The following HS6ST2 variants were observed in gnomAD, a reference collection of about 807,000 sequenced individuals.
The protein encoded by HS6ST2 is heparan-sulfate 6-O-sulfotransferase 2.
In HS6ST2, 17 loss-of-function variants were observed where a neutral mutation model predicts 33.0. The ratio of observed to expected loss-of-function variants is 0.52; its 90% CI spans 0.35 to 0.77. HS6ST2 has a LOEUF of 0.77. HS6ST2 is among the 30% of genes least tolerant of loss of function. The pLI is 0.01. For synonymous variants in HS6ST2, 248 were observed against 237.1 expected (o/e 1.05, Z -0.42); for missense variants, 519 against 551.7 (o/e 0.94, Z 0.59).
chrX:132,899,736 A>G (rs1472598626), intron 2 of HS6ST2, among the ~76,000 whole-genome samples: 1 of 111,894 alleles, frequency 8.9e-6, no homozygotes, highest in East Asian at 2.8e-4. Flanking sequence ...TAAATGCGCA[A>G]GTCTAAAAAT....
At chrX:132,933,417 A>G (rs1466806741) in intron 2 of HS6ST2, among the ~76,000 whole-genome samples, 2 of 111,220 alleles carry the variant, frequency 1.8e-5, no homozygotes, top group Non-Finnish European at 3.8e-5. Context: ...TTCAGTAGAC[A>G]TTACGCAATC....
intron 2 of HS6ST2, among the ~76,000 whole-genome samples, chrX:132,947,272 ATGTG>A (rs963498914): frequency 1.8e-5 from 2 of 109,585 alleles, no homozygotes; most frequent in African/African-American, 6.6e-5. Flanking sequence ...GTATATGTAT[ATGTG>A]TGTGTGTATA....
intron 2 of HS6ST2, among the ~76,000 whole-genome samples, chrX:132,920,503 C>G (rs746412690): frequency 5.4e-5 from 6 of 111,835 alleles, no homozygotes; most frequent in Admixed American, 3.8e-4. Flanking sequence ...AATTGTTGAT[C>G]GATGTACACT....
chrX:132,776,950 G>A (rs761277550), intron 2 of HS6ST2, among the ~76,000 whole-genome samples: 1 of 109,740 alleles, frequency 9.1e-6, no homozygotes, highest in Non-Finnish European at 1.9e-5. Context: ...TCATTTGACT[G>A]TCTCATACTA....
chrX:132,629,158 A>AC, intron 4 of HS6ST2, 65 bp from the exon 5 acceptor site: 1 of 1,094,585 alleles, frequency 9.1e-7, no homozygotes, highest in Non-Finnish European at 1.2e-6. Flanking sequence ...TCATGGAGGT[A>AC]CATGGCATAT....
chrX:132,697,395 C>T (rs991830901), intron 3 of HS6ST2, among the ~76,000 whole-genome samples: 9 of 111,800 alleles, frequency 8.1e-5, no homozygotes, highest in Admixed American at 1.9e-4. Context: ...AAATTAAGGC[C>T]GGCTCTTCAC....
chrX:132,710,415 C>G (rs745354996), intron 2 of HS6ST2, among the ~76,000 whole-genome samples: 2 of 111,238 alleles, frequency 1.8e-5, no homozygotes, highest in South Asian at 3.8e-4. Flanking sequence ...TATTTATTAT[C>G]TATTATGTGC....
intron 3 of HS6ST2, among the ~76,000 whole-genome samples, chrX:132,682,184 A>G (rs1052003484): frequency 8.9e-6 from 1 of 112,011 alleles, no homozygotes; most frequent in East Asian, 2.8e-4. Context: ...ATGTTAAACT[A>G]TATTAAACAA....
chrX:132,855,469 A>C (rs1044374648), intron 2 of HS6ST2, among the ~76,000 whole-genome samples: 1 of 112,451 alleles, frequency 8.9e-6, no homozygotes, highest in African/African-American at 3.2e-5. Context: ...CCAGTGCCTG[A>C]CATAATGTCT....
intron 2 of HS6ST2, among the ~76,000 whole-genome samples, chrX:132,898,381 T>TTTTATATA (rs368130066): frequency 3.4e-5 from 3 of 89,198 alleles, no homozygotes; most frequent in South Asian, 1.2e-3. Flanking sequence ...CAACATAAGG[T>TTTTATATA]TATATATATA....
At chrX:132,824,587 C>T (rs1257789725) in intron 2 of HS6ST2, among the ~76,000 whole-genome samples, 4 of 112,233 alleles carry the variant, frequency 3.6e-5, no homozygotes, top group African/African-American at 1.3e-4. Context: ...AGGAAGGCAG[C>T]CTGAATACCT....
In HS6ST2 at chrX:132,787,178, T is replaced by A. The variant is rs865838000; in HGVS notation, c.948-78684A>T. 2.5e-5 allele frequency among the ~76,000 whole-genome samples: 2 copies of A among 80,984 alleles called. 1 individual carries two copies. The highest frequency in any genetic ancestry group is 4.5e-5 in the Non-Finnish European group (2 of 44,289). 70.3% of individuals were successfully genotyped at this position (80,984 alleles called of 115,157 possible). ...GTGTATATATATATGTATATATATATATATATATACATATATATATACACA... is the reference window on the plus strand; with the variant it reads ...GTGTATATATATATGTATATATATAAATATATATACATATATATATACACA... On this transcript the variant is annotated intron_variant, in intron 2 of 4. Coordinates refer to ENST00000370833, the MANE Select transcript of HS6ST2 (RefSeq NM_001394073.1).
intron 2 of HS6ST2, chrX:132,758,178 C>G (rs948851629): frequency 1.2e-4 from 13 of 112,364 alleles, no homozygotes; most frequent in African/African-American, 3.9e-4. Context: ...TTTTCAGTCA[C>G]GGATAATGGC....
intron 3 of HS6ST2, among the ~76,000 whole-genome samples, chrX:132,685,112 A>G (rs779281408): frequency 8.9e-6 from 1 of 111,778 alleles, no homozygotes; most frequent in Admixed American, 9.5e-5. Flanking sequence ...CACACACAAA[A>G]AGGTACCAGA....
Position 132,671,532 on chromosome X carries a change from T to C in HS6ST2, c.981-2333A>G, listed in dbSNP as rs745741404. ...CCTTGGGCACTAGGGTCCTCTATAG[T>C]TTACATTATAATTGACCCTGTTTAA... is the stretch of plus-strand genomic sequence containing the variant. On this transcript the variant is annotated intron_variant, in intron 3 of 4. Coordinates refer to ENST00000370833, the MANE Select transcript of HS6ST2 (RefSeq NM_001394073.1). 2.8e-5 allele frequency among the ~76,000 whole-genome samples: 3 copies of C among 107,838 alleles called. No homozygotes were observed. In the Admixed American group the frequency reaches 3.0e-4, roughly 11 times the overall value. 93.6% of individuals were successfully genotyped at this position (107,838 alleles called of 115,157 possible). A position where few individuals can be genotyped will look rare whatever the true frequency, so the allele number is the denominator to read the frequency against.
At chrX:132,631,545 T>C (rs1458347034) in intron 4 of HS6ST2, among the ~76,000 whole-genome samples, 1 of 110,396 alleles carries the variant, frequency 9.1e-6, no homozygotes, top group Non-Finnish European at 1.9e-5. Flanking sequence ...AGTGCATACT[T>C]ATTGAGCCTT....
At chrX:132,941,261 C>T (rs147636587) in intron 2 of HS6ST2, among the ~76,000 whole-genome samples, 4,400 of 111,514 alleles carry the variant, frequency 0.039, 205 homozygotes, top group African/African-American at 0.13. Context: ...GGCTGCAACA[C>T]AAGATGCTCT....
At chrX:132,870,058 C>T (rs911186605) in intron 2 of HS6ST2, among the ~76,000 whole-genome samples, 1 of 111,481 alleles carries the variant, frequency 9.0e-6, no homozygotes. Context: ...TAATAAACAA[C>T]TTCAGCAAAG....
intron 2 of HS6ST2, among the ~76,000 whole-genome samples, chrX:132,899,886 A>C (rs1044910562): frequency 9.0e-6 from 1 of 111,543 alleles, no homozygotes; most frequent in African/African-American, 3.3e-5. Context: ...AGCTATGCAA[A>C]CCAAAAACAA....
Sources: gnomAD v4.1 joint callset for allele counts (sites outside exome capture counted in the v4.1 genomes callset) on GRCh38, gnomAD v4.1.1 for gene constraint, MANE v1.5 for transcripts, NCBI Gene and HGNC (gene_info 2026-07-23, HGNC 2026-07-21) for gene names.